The following PDE7A variants were observed in gnomAD, a reference collection of about 807,000 sequenced individuals.
PDE7A encodes phosphodiesterase 7A, also known as high affinity 3',5'-cyclic-AMP phosphodiesterase 7A.
In PDE7A, 39 loss-of-function variants were observed where a neutral mutation model predicts 64.3. The ratio of observed to expected loss-of-function variants is 0.61; its 90% confidence interval spans 0.47 to 0.79. The LOEUF (loss-of-function observed/expected upper bound fraction) is 0.79. Ranked by LOEUF, PDE7A falls within the 30% of genes least tolerant of loss-of-function variation. The pLI is 0.00. For missense variants in PDE7A, 470 were observed against 582.8 expected (o/e 0.81, Z 1.99); for synonymous variants, 203 against 206.8 (o/e 0.98, Z 0.16).
intron 3 of PDE7A, among the ~76,000 whole-genome samples, chr8:65,775,908 G>A (rs562875095): frequency 3.7e-4 from 57 of 152,264 alleles, no homozygotes; most frequent in African/African-American, 9.6e-4. Flanking sequence ...GATTACGGGC[G>A]TGAGCCACCA....
chr8:65,717,021 A>AC lies in PDE7A; in HGVS notation c.*2268dup, dbSNP rs1236925994. 6.6e-6 allele frequency among the ~76,000 whole-genome samples: 1 copy of AC among 152,192 alleles called. No homozygotes were observed. The highest frequency in any genetic ancestry group is 1.5e-5 in the Non-Finnish European group (1 of 68,030). ...ATACACTGGATTTCAAAGACTTAGTACCCCCCAAAAGAATGTAAAAACATC... is the reference window on the plus strand; with the variant it reads ...ATACACTGGATTTCAAAGACTTAGTACCCCCCCAAAAGAATGTAAAAACATC... On this transcript the variant is annotated 3_prime_UTR_variant, in exon 13 of 13. Transcript: ENST00000401827.
At chr8:65,821,726 T>C (rs1810546203) in intron 1 of PDE7A, among the ~76,000 whole-genome samples, 1 of 152,260 alleles carries the variant, frequency 6.6e-6, no homozygotes, top group Admixed American at 6.5e-5. Flanking sequence ...GTGCTACCAG[T>C]AGACAATACA....
Position 65,714,511 on chromosome 8 carries a change from T to A in PDE7A, c.*4779A>T, listed in dbSNP as rs1585810352. ...GGGGCCTTCCAGATGACACAAGTCA[T>A]TATTAGCAAGGAACAAGCTGCTAAT... On this transcript the variant is annotated 3_prime_UTR_variant, in exon 13 of 13. Coordinates refer to ENST00000401827, the MANE Select transcript of PDE7A (RefSeq NM_001242318.3). The A allele has an allele frequency of 2.0e-5, 3 of 152,118 alleles. No homozygotes were observed. Among genetic ancestry groups the A allele is most frequent in the African/African-American group, 7.2e-5 (3 of 41,408 alleles). The allele number at this position is 152,118 out of a possible 1,614,324, so 9.4% of individuals were successfully genotyped here.
At chr8:65,737,177 A>T (rs1029268232) in intron 6 of PDE7A, among the ~76,000 whole-genome samples, 1 of 152,132 alleles carries the variant, frequency 6.6e-6, no homozygotes, top group Non-Finnish European at 1.5e-5. Context: ...GTATAGAGCC[A>T]AAGCCATTCC....
rs1455361719 is a variant in PDE7A at position 65,724,858 on chromosome 8, CTCATTCTGGCGACTG to C, written c.969_983del (p.Ile323_Glu328delinsMet). ...AATGGGACCTAAACAAAGACAGATACTCATTCTGGCGACTGATGTCTGTGGCTAGTATCAGAGCAC... is the reference window on the plus strand; with the variant it reads ...AATGGGACCTAAACAAAGACAGATACATGTCTGTGGCTAGTATCAGAGCAC... On this transcript the variant is annotated inframe_deletion, in exon 10 of 13. Transcript: ENST00000401827. The C allele has an allele frequency of 6.2e-7, 1 of 1,610,774 alleles. No homozygotes were observed. Among genetic ancestry groups the C allele is most frequent in the Non-Finnish European group, 8.5e-7 (1 of 1,177,570 alleles).
At chr8:65,723,743 C>T in intron 11 of PDE7A, 122 bp from the exon 12 acceptor site, 2 of 609,350 alleles carry the variant, frequency 3.3e-6, no homozygotes, top group Non-Finnish European at 5.1e-6. Context: ...CATGAGAGGA[C>T]AGCTTCGCAA....
chr8:65,740,454 A>G (rs112672393), intron 5 of PDE7A, among the ~76,000 whole-genome samples: 19,170 of 152,042 alleles, frequency 0.13, 1,380 homozygotes, highest in Middle Eastern at 0.17. Context: ...GGGCTGGAGT[A>G]CAATGGTGCG....
chr8:65,787,113 T>C (rs1809580239), intron 1 of PDE7A, among the ~76,000 whole-genome samples: 1 of 152,252 alleles, frequency 6.6e-6, no homozygotes, highest in Non-Finnish European at 1.5e-5. Flanking sequence ...TCATTGTTTT[T>C]ATTTTGTTCC....
At chr8:65,724,731 C>T in intron 10 of PDE7A, 46 bp downstream of exon 10, 1 of 1,493,130 alleles carries the variant, frequency 6.7e-7, no homozygotes. Flanking sequence ...GTTTGACAGT[C>T]ACATAATTTA....
At chr8:65,834,914 T>C (rs1416728331) in intron 1 of PDE7A, among the ~76,000 whole-genome samples, 1 of 152,212 alleles carries the variant, frequency 6.6e-6, no homozygotes, top group Non-Finnish European at 1.5e-5. Flanking sequence ...TCTACAAATC[T>C]AGTTTTTGTT....
At chr8:65,788,790 G>A in intron 1 of PDE7A, 2 of 810,084 alleles carry the variant, frequency 2.5e-6, no homozygotes, top group Non-Finnish European at 4.1e-6. Flanking sequence ...TAAAAACTGA[G>A]GCAAAAGGAG....
chr8:65,763,597 A>G (rs1249376268), intron 3 of PDE7A, among the ~76,000 whole-genome samples: 1 of 152,076 alleles, frequency 6.6e-6, no homozygotes, highest in African/African-American at 2.4e-5. Context: ...TCTTATTGTT[A>G]TGGGTTAGGC....
chr8:65,743,169 G>A (rs1417840569), intron 5 of PDE7A, among the ~76,000 whole-genome samples: 2 of 152,144 alleles, frequency 1.3e-5, no homozygotes, highest in Non-Finnish European at 2.9e-5. Flanking sequence ...GTTAAGAGTG[G>A]CATTGTTTCA....
chr8:65,805,481 C>T (rs1393944043), intron 1 of PDE7A, among the ~76,000 whole-genome samples: 1 of 152,204 alleles, frequency 6.6e-6, no homozygotes, highest in African/African-American at 2.4e-5. Flanking sequence ...ATCTTGGTTG[C>T]TAATCTACCA....
rs76472986 is a variant in PDE7A, at chr8:65,839,370, T to A, written c.138+2001A>T. Among the ~76,000 whole-genome samples the A allele has an allele frequency of 9.3e-3, 1,418 of 151,832 alleles. 8 individuals are homozygous for A. Among genetic ancestry groups the A allele is most frequent in the East Asian group, 0.045 (234 of 5,188 alleles). On this transcript the variant is annotated intron_variant, in intron 1 of 12. Transcript: ENST00000401827. ...AACCAAATGTTTATTTTACAAGTTC[T>A]GAGCAGGATTCCAAGGTTTTCTGTC...
chr8:65,818,801 G>C (rs1488571701), intron 1 of PDE7A, among the ~76,000 whole-genome samples: 2 of 152,162 alleles, frequency 1.3e-5, no homozygotes, highest in African/African-American at 4.8e-5. Flanking sequence ...TGAATCTTCA[G>C]GCTATTTGAG....
chr8:65,734,512 T>C (rs1288952322), intron 7 of PDE7A, among the ~76,000 whole-genome samples: 2 of 152,186 alleles, frequency 1.3e-5, no homozygotes, highest in East Asian at 3.9e-4. Flanking sequence ...CCTGCCCACA[T>C]GGAGCCCATG....
At chr8:65,734,155 C>T (rs1217790204) in intron 7 of PDE7A, among the ~76,000 whole-genome samples, 1 of 152,126 alleles carries the variant, frequency 6.6e-6, no homozygotes. Context: ...CAAGCCTTAC[C>T]CCCAAAACTT....
At chr8:65,735,396 C>T (rs1807086026) in intron 6 of PDE7A, among the ~76,000 whole-genome samples, 1 of 151,994 alleles carries the variant, frequency 6.6e-6, no homozygotes, top group South Asian at 2.1e-4. Context: ...GCAGCCCTGA[C>T]CTCCTGGGCT....
Sources: gnomAD v4.1 joint callset for allele counts (sites outside exome capture counted in the v4.1 genomes callset) on GRCh38, gnomAD v4.1.1 for gene constraint, MANE v1.5 for transcripts, NCBI Gene and HGNC (gene_info 2026-07-23, HGNC 2026-07-21) for gene names.